The following RPH3A variants were observed in gnomAD, a reference collection of about 807,000 sequenced individuals.
RPH3A encodes the protein rabphilin 3A.
Under a neutral mutation model 102.2 loss-of-function variants are expected in RPH3A, and 48 were observed. The observed-to-expected ratio is 0.47, with a 90% CI of 0.37 to 0.60. RPH3A has a LOEUF of 0.60. Ranked by LOEUF, RPH3A falls within the 20% of genes least tolerant of loss-of-function variation. The pLI, the probability that RPH3A is intolerant of heterozygous loss-of-function variation, is 0.00. For missense variants in RPH3A, 781 were observed against 910.1 expected (o/e 0.86, Z 1.83); for synonymous variants, 310 against 324.3 (o/e 0.96, Z 0.47).
At chr12:112,705,646 G>A (rs927056031) in intron 1 of RPH3A, among the ~76,000 whole-genome samples, 3 of 151,982 alleles carry the variant, frequency 2.0e-5, no homozygotes, top group South Asian at 4.2e-4. Context: ...TTTTTTAATC[G>A]AAATTTTTAA....
chr12:112,849,713 C>T (rs1214673682), intron 5 of RPH3A, among the ~76,000 whole-genome samples: 2 of 152,154 alleles, frequency 1.3e-5, no homozygotes, highest in Non-Finnish European at 2.9e-5. Flanking sequence ...AGGTGCACAG[C>T]AAAATATTTG....
At chr12:112,836,397 G>C in intron 3 of RPH3A, 94 bp from the exon 4 acceptor site, 1 of 616,254 alleles carries the variant, frequency 1.6e-6, no homozygotes, top group Non-Finnish European at 2.7e-6. Context: ...TTCAAGCTAC[G>C]TGAGTGTTGC....
chr12:112,579,900 G>A (rs965353332), intron 1 of RPH3A, among the ~76,000 whole-genome samples: 1 of 151,942 alleles, frequency 6.6e-6, no homozygotes, highest in Non-Finnish European at 1.5e-5. Context: ...TGGCCAAGTT[G>A]TTTCTTATGT....
rs2039469043 is a variant in RPH3A at position 112,590,394 on chromosome 12, T to C, written c.-140+15075T>C. Among the ~76,000 whole-genome samples, 4 of 152,340 alleles carry C rather than the reference T, an allele frequency of 2.6e-5. No homozygotes were observed. In the South Asian group the frequency reaches 8.3e-4, roughly 32 times the overall value. ...TCAATCACCTTTCACCCAGTGACCTTGAGCAGGTCCTTTCTCTCTGGTGTT... is the reference window on the plus strand; with the variant it reads ...TCAATCACCTTTCACCCAGTGACCTCGAGCAGGTCCTTTCTCTCTGGTGTT... On this transcript the variant is annotated intron_variant, in intron 1 of 21. Coordinates refer to the RPH3A transcript ENST00000543106.
At position 112,784,070 on chromosome 12, in the gene RPH3A, C is replaced by G. The variant is rs149774609; in HGVS notation, c.-139-8073C>G. On this transcript the variant is annotated intron_variant, in intron 1 of 21. Coordinates refer to the RPH3A transcript ENST00000543106. ...TCCAATCACACTGCCTGGGGTCACT[C>G]CTTTATGAATTCATTCATTTTCCAT... is the stretch of plus-strand genomic sequence containing the variant. Among the ~76,000 whole-genome samples, 599 of 152,228 alleles carry G rather than the reference C, an allele frequency of 3.9e-3. 4 individuals carry two copies. Among genetic ancestry groups the G allele is most frequent in the African/African-American group, 0.013 (559 of 41,540 alleles).
chr12:112,761,909 T>G (rs1012565188), intron 1 of RPH3A, among the ~76,000 whole-genome samples: 1 of 152,208 alleles, frequency 6.6e-6, no homozygotes, highest in Non-Finnish European at 1.5e-5. Flanking sequence ...CAGAATGGTT[T>G]GGACTCCACA....
chr12:112,856,731 T>A (rs1593088637), intron 5 of RPH3A, among the ~76,000 whole-genome samples: 1 of 152,200 alleles, frequency 6.6e-6, no homozygotes. Flanking sequence ...AGTACAGGGA[T>A]ATATAAAAGC....
At chr12:112,773,465 C>G (rs2136073780) in intron 1 of RPH3A, among the ~76,000 whole-genome samples, 1 of 151,896 alleles carries the variant, frequency 6.6e-6, no homozygotes, top group Non-Finnish European at 1.5e-5. Flanking sequence ...TCACTTTCAG[C>G]AATGTCATCT....
At chr12:112,712,983 C>CT (rs1565857040) in intron 1 of RPH3A, among the ~76,000 whole-genome samples, 1,063 of 97,022 alleles carry the variant, frequency 0.011, 91 homozygotes, top group South Asian at 0.03. Context: ...CTTTCTTCTT[C>CT]GTCGTCTTTG....
intron 2 of RPH3A, among the ~76,000 whole-genome samples, chr12:112,822,070 T>A (rs558450522): frequency 2.0e-5 from 3 of 152,136 alleles, no homozygotes; most frequent in African/African-American, 7.2e-5. Flanking sequence ...GGCCCTTTTG[T>A]TAAAGTACAT....
intron 1 of RPH3A, among the ~76,000 whole-genome samples, chr12:112,743,179 T>C (rs1565867293): frequency 6.6e-6 from 1 of 152,324 alleles, no homozygotes; most frequent in East Asian, 1.9e-4. Flanking sequence ...TTTGGCTGGG[T>C]AAGGTAACAT....
intron 1 of RPH3A, among the ~76,000 whole-genome samples, chr12:112,686,259 T>C (rs1240706571): frequency 6.6e-6 from 1 of 152,218 alleles, no homozygotes. Context: ...TCTGCTCAGA[T>C]AATGGAGTTT....
Position 112,678,318 on chromosome 12 carries a change from A to AGAGAGAGAGAGAGAG in RPH3A, c.-140+102999_-140+103000insGAGAGAGAGAGAGAG, listed in dbSNP as rs1566255385. ...GAAAGAAAGAAAGAGAGAGAGAGAGAAAGAAAGAAAGAAGGAAGGAAGGAA... is the reference window on the plus strand; with the variant it reads ...GAAAGAAAGAAAGAGAGAGAGAGAGAGAGAGAGAGAGAGAGAAGAAAGAAAGAAGGAAGGAAGGAA... On this transcript the variant is annotated intron_variant, in intron 1 of 21. Transcript: ENST00000543106. 1.6e-4 allele frequency among the ~76,000 whole-genome samples: 20 copies of AGAGAGAGAGAGAGAG among 122,554 alleles called. 2 individuals carry two copies. Among genetic ancestry groups the AGAGAGAGAGAGAGAG allele is most frequent in the African/African-American group, 5.0e-4 (16 of 31,984 alleles). The allele number at this position is 122,554 out of a possible 152,430, so 80.4% of individuals were successfully genotyped here. A position where few individuals can be genotyped will look rare whatever the true frequency, so the allele number is the denominator to read the frequency against.
chr12:112,677,415 C>CTCCTTCCT (rs879603208), intron 1 of RPH3A, among the ~76,000 whole-genome samples: 112 of 33,242 alleles, frequency 3.4e-3, no homozygotes, highest in African/African-American at 5.4e-3. Flanking sequence ...CCCTCCTTCC[C>CTCCTTCCT]TCCTTCCTTC....
At chr12:112,578,556 T>C (rs2039374877) in intron 1 of RPH3A, among the ~76,000 whole-genome samples, 2 of 152,226 alleles carry the variant, frequency 1.3e-5, no homozygotes, top group Non-Finnish European at 2.9e-5. Flanking sequence ...TAGATTTCTG[T>C]CATTTTGGTT....
At chr12:112,866,022 C>A (rs1439415911) in intron 6 of RPH3A, among the ~76,000 whole-genome samples, 2 of 152,136 alleles carry the variant, frequency 1.3e-5, no homozygotes, top group Non-Finnish European at 2.9e-5. Context: ...GCGAGTAATC[C>A]TGAACTCTGT....
At chr12:112,818,255 C>T (rs978154188) in intron 2 of RPH3A, among the ~76,000 whole-genome samples, 27 of 147,876 alleles carry the variant, frequency 1.8e-4, no homozygotes, top group Non-Finnish European at 3.4e-4. Flanking sequence ...GCCGAGATCG[C>T]GCCACTGCAC....
At chr12:112,825,667 C>T (rs768382446) in intron 2 of RPH3A, among the ~76,000 whole-genome samples, 2 of 152,098 alleles carry the variant, frequency 1.3e-5, no homozygotes, top group African/African-American at 2.4e-5. Context: ...ATTTTCATTA[C>T]GTACCTTCTA....
chr12:112,712,847 G>C (rs1261929023), intron 1 of RPH3A, among the ~76,000 whole-genome samples: 1 of 151,424 alleles, frequency 6.6e-6, no homozygotes, highest in African/African-American at 2.4e-5. Context: ...GAGTAGCTGG[G>C]ACTGTGTGCC....
Sources: allele counts gnomAD v4.1 joint callset (sites outside exome capture counted in the v4.1 genomes callset), GRCh38; gene constraint gnomAD v4.1.1; transcripts MANE v1.5; gene names NCBI Gene and HGNC (gene_info 2026-07-23, HGNC 2026-07-21).